Variants in ENDOU observed in about 807,000 individuals in gnomAD.
The protein encoded by ENDOU is uridylate-specific endoribonuclease.
A neutral mutation model predicts 54.2 loss-of-function variants in ENDOU; 49 were observed. The observed-to-expected ratio is 0.90, with a 90% CI of 0.72 to 1.15. The LOEUF (loss-of-function observed/expected upper bound fraction) is 1.15. ENDOU is among the 50% of genes most tolerant of loss of function. ENDOU has a pLI of 0.00. For synonymous variants in ENDOU, 172 were observed against 190.5 expected (o/e 0.90, Z 0.80); for missense variants, 458 against 511.4 (o/e 0.90, Z 1.01).
rs1939926759 is a variant in ENDOU at position 47,710,037 on chromosome 12, C to T, written c.*765G>A. ...AAAAATTGGGGATCAAAATACAAGTCTGTGGCTGCACTAAACATCCACAAG... is the reference window on the plus strand; with the variant it reads ...AAAAATTGGGGATCAAAATACAAGTTTGTGGCTGCACTAAACATCCACAAG... On this transcript the variant is annotated 3_prime_UTR_variant, in exon 10 of 10. Transcript: ENST00000422538. 1 of 152,184 alleles carries T rather than the reference C, an allele frequency of 6.6e-6. No individual in the cohort carries two copies. The highest frequency in any genetic ancestry group is 1.9e-4 in the East Asian group (1 of 5,198). The allele number at this position is 152,184 out of a possible 1,614,324, so 9.4% of individuals were successfully genotyped here. A position where few individuals can be genotyped will look rare whatever the true frequency, so the allele number is the denominator to read the frequency against.
rs201722368 is a variant in ENDOU at position 47,716,487 on chromosome 12, A to G, written c.564T>C (p.Tyr188=). The G allele has an allele frequency of 3.7e-6, 6 of 1,613,478 alleles. No homozygotes were observed. The highest frequency in any genetic ancestry group is 2.2e-5 in the South Asian group (2 of 91,048). ...GCTTGGAGAACAGCTTCTCATTGACATAAGTGAAGAGTCTGGGGGAGGCAG... is the reference window on the plus strand; with the variant it reads ...GCTTGGAGAACAGCTTCTCATTGACGTAAGTGAAGAGTCTGGGGGAGGCAG... The part of the protein sequence containing the change: ...VDRCPKPLFT[Y]VNEKLFSKPT... The change falls in exon 6 of 10, where the codon TAT becomes TAC. Residue 188 remains tyrosine (Y), a synonymous_variant. Transcript: ENST00000422538.
chr12:47,717,867 ATCT>A, intron 3 of ENDOU: 2 of 608,034 alleles, frequency 3.3e-6, no homozygotes, highest in Non-Finnish European at 5.7e-6. Flanking sequence ...TGTTTTTCTA[ATCT>A]TCTCATTCTA....
At position 47,716,374 on chromosome 12, in the gene ENDOU, T is replaced by G; in HGVS notation, c.677A>C (p.Glu226Ala). 1 of 1,614,190 alleles carries G rather than the reference T, an allele frequency of 6.2e-7. No homozygotes were observed. The highest frequency in any genetic ancestry group is 8.5e-7 in the Non-Finnish European group (1 of 1,180,032). Reference sequence around the variant, plus strand: ...GATCTCTCTGAGGAAGGCGTCCTGCTCGGCCAGCTCCTGGGCACTGAAGTG... The same window carrying G: ...GATCTCTCTGAGGAAGGCGTCCTGCGCGGCCAGCTCCTGGGCACTGAAGTG... The part of the protein sequence containing the change: ...GEHFSAQELA[E>A]QDAFLREIMK... The change falls in exon 6 of 10, where the codon GAG becomes GCG. Residue 226 changes from glutamate (E) to alanine (A), a missense_variant. Transcript: ENST00000422538.
Position 47,717,548 on chromosome 12 carries a change from T to C in ENDOU, c.352A>G (p.Lys118Glu), listed in dbSNP as rs1314608419. 4 of 1,614,082 alleles carry C rather than the reference T, an allele frequency of 2.5e-6. No individual in the cohort carries two copies. The highest frequency in any genetic ancestry group is 3.4e-6 in the Non-Finnish European group (4 of 1,180,038). ...TCACTACACAGGCTCTCAAAATCCT[T>C]GCAGCAGTTCCCAAACTCTTGGCAG... ...ARCQEFGNCC[K>E]DFESLCSDHE... The change falls in exon 4 of 10, where the codon AAG becomes GAG. Residue 118 changes from lysine (K) to glutamate (E), a missense_variant. Transcript: ENST00000422538.
At chr12:47,714,474 G>C (rs1380026150) in intron 6 of ENDOU, among the ~76,000 whole-genome samples, 1 of 152,254 alleles carries the variant, frequency 6.6e-6, no homozygotes, top group African/African-American at 2.4e-5. Flanking sequence ...AGTTGATGGG[G>C]CTTAGATGGT....
chr12:47,722,843 G>A (rs577291829), intron 1 of ENDOU, among the ~76,000 whole-genome samples: 8 of 152,304 alleles, frequency 5.3e-5, no homozygotes, highest in African/African-American at 1.4e-4. Flanking sequence ...AGGAAGGCAG[G>A]TTTCCAGTCC....
Position 47,711,755 on chromosome 12 carries a change from C to G in ENDOU, c.993G>C (p.Val331=), listed in dbSNP as rs377494964. The change falls in exon 9 of 10, where the codon GTG becomes GTC. Residue 331 remains valine, a synonymous_variant. Coordinates refer to ENST00000422538, the MANE Select transcript of ENDOU (RefSeq NM_001172439.2). ...CGTCCCAGTTGAACTGCATTGCCAG[C>G]ACATCGGGGTAAGAATCCCACTGTG... ...YDGPWDSYPD[V]LAMQFNWDGY... is the part of the protein sequence containing the mutation. The G allele has an allele frequency of 6.2e-7, 1 of 1,614,118 alleles. No homozygotes were observed. Among genetic ancestry groups the G allele is most frequent in the Non-Finnish European group, 8.5e-7 (1 of 1,180,024 alleles).
rs377067870 is a variant in ENDOU, at chr12:47,717,615, G to A, written c.285C>T (p.Tyr95=). 1.7e-5 allele frequency: 28 copies of A among 1,614,030 alleles called. No individual in the cohort carries two copies. Among genetic ancestry groups the A allele is most frequent in the South Asian group, 4.4e-5 (4 of 91,080 alleles). ...SAPTSCQGRC[Y]EAFDKHHQCH... ...ATTGGTGGTGCTTGTCAAAGGCTTC[G>A]TAGCAGCGGCCCTGGCAGGAGGTGG... The change falls in exon 4 of 10, where the codon TAC becomes TAT. Residue 95 remains tyrosine, a synonymous_variant. Coordinates refer to ENST00000422538, the MANE Select transcript of ENDOU (RefSeq NM_001172439.2).
At chr12:47,720,719 G>A (rs1433657984) in intron 2 of ENDOU, 34 bp downstream of exon 2, 7 of 1,533,974 alleles carry the variant, frequency 4.6e-6, no homozygotes, top group Non-Finnish European at 6.1e-6. Context: ...CCTTAGACAG[G>A]CTGGACATGC....
In ENDOU at chr12:47,716,516, G is replaced by A. The variant is rs1419616452; in HGVS notation, c.552-17C>T. 6.2e-7 allele frequency: 1 copy of A among 1,611,714 alleles called. No individual in the cohort carries two copies. ...GTGAAGAGTCTGGGGGAGGCAGAGG[G>A]GAGCCCCACTGAGAGCCCCAAACAC... is the stretch of plus-strand genomic sequence containing the variant. On this transcript the variant is annotated splice_polypyrimidine_tract_variant and intron_variant, in intron 5 of 9. Transcript: ENST00000422538.
At chr12:47,715,861 A>G (rs894121452) in intron 6 of ENDOU, among the ~76,000 whole-genome samples, 3 of 152,174 alleles carry the variant, frequency 2.0e-5, no homozygotes, top group African/African-American at 7.2e-5. Flanking sequence ...GGACTCAGCC[A>G]ACCCGATTCC....
chr12:47,722,551 C>T (rs1385898472), intron 1 of ENDOU, among the ~76,000 whole-genome samples: 3 of 152,220 alleles, frequency 2.0e-5, no homozygotes, highest in African/African-American at 7.2e-5. Flanking sequence ...GGTGAATAAA[C>T]GGTGGCAATA....
chr12:47,723,411 T>C (rs897511059), intron 1 of ENDOU, among the ~76,000 whole-genome samples: 6 of 152,114 alleles, frequency 3.9e-5, no homozygotes, highest in Non-Finnish European at 8.8e-5. Context: ...ATCCCCACAC[T>C]GCACCATTAA....
intron 1 of ENDOU, among the ~76,000 whole-genome samples, chr12:47,724,692 C>T (rs1054663110): frequency 6.6e-6 from 1 of 152,066 alleles, no homozygotes; most frequent in South Asian, 2.1e-4. Flanking sequence ...CAGCATTTTG[C>T]ACAGTTACTA....
intron 3 of ENDOU, chr12:47,717,885 T>C: frequency 1.6e-6 from 1 of 608,250 alleles, no homozygotes; most frequent in East Asian, 2.8e-5. Flanking sequence ...ATTCTAAAAA[T>C]AAAATCTCTT....
chr12:47,717,131 C>G (rs926174510), intron 4 of ENDOU, 73 bp from the exon 5 acceptor site: 1 of 1,351,150 alleles, frequency 7.4e-7, no homozygotes, highest in African/African-American at 1.4e-5. Context: ...TATCTGTGTA[C>G]CTCCCCTCCT....
At chr12:47,717,400 T>C in intron 4 of ENDOU, 118 bp downstream of exon 4, 1 of 1,159,266 alleles carries the variant, frequency 8.6e-7, no homozygotes, top group Non-Finnish European at 1.2e-6. Flanking sequence ...CCCCAGAGTT[T>C]GTGTTTCTAA....
intron 9 of ENDOU, among the ~76,000 whole-genome samples, chr12:47,711,262 G>A (rs1465075638): frequency 6.6e-6 from 1 of 152,224 alleles, no homozygotes; most frequent in African/African-American, 2.4e-5. Context: ...GAATGTTAGA[G>A]AACTTGAAGC....
chr12:47,725,400 A>C lies in ENDOU; in HGVS notation c.14T>G (p.Ile5Ser), dbSNP rs778853002. The part of the protein sequence containing the change: MRAC[I>S]SLVLAVLCGL... ...ACACAGCACGGCCAATACCAGGGAG[A>C]TGCAGGCCCTCATGGTGCCCAGTTG... The change falls in exon 1 of 10, where the codon ATC becomes AGC. Residue 5 changes from isoleucine (I) to serine (S), a missense_variant. By Grantham distance (142) the Ile-to-Ser change is moderately radical. Transcript: ENST00000422538. The C allele has an allele frequency of 8.7e-6, 14 of 1,614,052 alleles. No homozygotes were observed. In the South Asian group the frequency reaches 1.5e-4, roughly 18 times the overall value.
Sources: allele counts gnomAD v4.1 joint callset (sites outside exome capture counted in the v4.1 genomes callset), GRCh38; gene constraint gnomAD v4.1.1; transcripts MANE v1.5; gene names NCBI Gene and HGNC (gene_info 2026-07-23, HGNC 2026-07-21).